TAS2R1: variants seen among roughly 807,000 people sequenced by gnomAD.
TAS2R1 encodes taste receptor type 2 member 1.
For synonymous variants in TAS2R1, 141 were observed against 134.2 expected (o/e 1.05, Z -0.35); for missense variants, 370 against 353.4 (o/e 1.05, Z -0.38).
At chr5:9,751,614 T>C in the TAS2R1 span, among the ~76,000 whole-genome samples, 10 of 152,214 alleles carry the variant, frequency 6.6e-5, no homozygotes, top group Non-Finnish European at 1.2e-4. Context: ...TTGCTTTACA[T>C]TTCATATTTG....
chr5:9,844,681 T>A, the TAS2R1 span, among the ~76,000 whole-genome samples: 6 of 152,168 alleles, frequency 3.9e-5, no homozygotes, highest in African/African-American at 1.2e-4. Context: ...CTCCATTGTA[T>A]CCTAATTAGC....
At chr5:9,879,658 G>C in the TAS2R1 span, among the ~76,000 whole-genome samples, 4 of 152,134 alleles carry the variant, frequency 2.6e-5, no homozygotes, top group Non-Finnish European at 5.9e-5. Flanking sequence ...TTATACACTT[G>C]TTGTGGTTCT....
the TAS2R1 span, among the ~76,000 whole-genome samples, chr5:9,742,284 A>G: frequency 6.6e-6 from 1 of 152,170 alleles, no homozygotes; most frequent in Non-Finnish European, 1.5e-5. Flanking sequence ...GCTCTCATTC[A>G]CCCACTGAGA....
chr5:9,877,961 A>G, the TAS2R1 span, among the ~76,000 whole-genome samples: 4 of 152,202 alleles, frequency 2.6e-5, no homozygotes, highest in Non-Finnish European at 4.4e-5. Context: ...GGAGAAATTG[A>G]TCAAAATCTC....
At chr5:9,877,442 C>A in the TAS2R1 span, among the ~76,000 whole-genome samples, 1 of 152,218 alleles carries the variant, frequency 6.6e-6, no homozygotes, top group Non-Finnish European at 1.5e-5. Context: ...ATTCAATACA[C>A]ATACAAATTA....
chr5:9,673,894 A>C (rs2126504801), intron 1 of TAS2R1, among the ~76,000 whole-genome samples: 1 of 152,290 alleles, frequency 6.6e-6, no homozygotes, highest in South Asian at 2.1e-4. Flanking sequence ...CCCCTAAATG[A>C]GAGCAGGAAG....
At chr5:9,865,314 C>A in the TAS2R1 span, among the ~76,000 whole-genome samples, 1 of 152,132 alleles carries the variant, frequency 6.6e-6, no homozygotes, top group Non-Finnish European at 1.5e-5. Flanking sequence ...GATTTTGTAT[C>A]CCACTATGCC....
the TAS2R1 span, among the ~76,000 whole-genome samples, chr5:9,735,549 A>T: frequency 2.6e-5 from 4 of 151,698 alleles, no homozygotes; most frequent in African/African-American, 9.8e-5. Flanking sequence ...CAGTAATCCT[A>T]GATGGTGCCT....
chr5:9,869,309 C>T, the TAS2R1 span, among the ~76,000 whole-genome samples: 1 of 152,162 alleles, frequency 6.6e-6, no homozygotes, highest in African/African-American at 2.4e-5. Flanking sequence ...TTTAGCATGG[C>T]TGGGGAGGCC....
intron 1 of TAS2R1, among the ~76,000 whole-genome samples, chr5:9,684,381 T>C (rs369839848): frequency 1.1e-4 from 16 of 152,304 alleles, no homozygotes; most frequent in African/African-American, 3.4e-4. Context: ...ATTGTGGTTA[T>C]TAGAGGCTGG....
At chr5:9,791,218 G>A in the TAS2R1 span, among the ~76,000 whole-genome samples, 10 of 152,090 alleles carry the variant, frequency 6.6e-5, no homozygotes, top group South Asian at 4.2e-4. Flanking sequence ...ACACACACAC[G>A]GATCATGGGT....
At position 9,705,358 on chromosome 5, in the gene TAS2R1, A is replaced by AT. The variant is rs1315990026; in HGVS notation, c.-242+6813dup. On this transcript the variant is annotated intron_variant, in intron 1 of 2. Transcript: ENST00000506620. ...CATCTTTAAGTTATATCTTGTGAGC[A>AT]TGCATGTATTGCTTTCCTAATAACT... Among the ~76,000 whole-genome samples, 7 of 152,322 alleles carry AT rather than the reference A, an allele frequency of 4.6e-5. No homozygotes were observed. In the East Asian group the frequency reaches 1.2e-3, roughly 25 times the overall value.
chr5:9,631,338 C>G (rs1033633922), upstream of TAS2R1, among the ~76,000 whole-genome samples: 1 of 152,200 alleles, frequency 6.6e-6, no homozygotes, highest in African/African-American at 2.4e-5. Flanking sequence ...TTCCTGGACT[C>G]AGGTAATCCT....
At chr5:9,794,577 T>C in the TAS2R1 span, among the ~76,000 whole-genome samples, 8 of 152,194 alleles carry the variant, frequency 5.3e-5, no homozygotes, top group Admixed American at 5.2e-4. Context: ...TTTGTCACTT[T>C]AACAGGTTAA....
At chr5:9,650,565 T>C (rs976398543) in intron 2 of TAS2R1, among the ~76,000 whole-genome samples, 3 of 152,162 alleles carry the variant, frequency 2.0e-5, no homozygotes, top group Non-Finnish European at 4.4e-5. Flanking sequence ...GACCTGGTGG[T>C]GTGCACATAT....
chr5:9,715,164 T>A (rs1486679536), upstream of TAS2R1, among the ~76,000 whole-genome samples: 1 of 152,110 alleles, frequency 6.6e-6, no homozygotes, highest in Non-Finnish European at 1.5e-5. Flanking sequence ...GAACAAAGTG[T>A]AAAGGGAGCT....
chr5:9,630,249 A>G lies in TAS2R1; in HGVS notation c.-217T>C, dbSNP rs573778511. ...ATAAGGAGGAGATACTCTAGCATCA[A>G]TTTGCTTCTTATTGATGGCTTTTGC... On this transcript the variant is annotated 5_prime_UTR_variant, in exon 1 of 1. Transcript: ENST00000382492. The G allele has an allele frequency of 1.5e-4, 58 of 376,052 alleles. 2 individuals are homozygous for G. In the South Asian group the frequency reaches 5.5e-3, roughly 35 times the overall value. The allele number at this position is 376,052 out of a possible 1,614,324, so 23.3% of individuals were successfully genotyped here.
the TAS2R1 span, among the ~76,000 whole-genome samples, chr5:9,780,741 C>G: frequency 6.6e-6 from 1 of 152,132 alleles, no homozygotes; most frequent in African/African-American, 2.4e-5. Context: ...GGTTATAGTA[C>G]AGTTATTTAA....
At chr5:9,829,963 GA>G in the TAS2R1 span, among the ~76,000 whole-genome samples, 1 of 152,146 alleles carries the variant, frequency 6.6e-6, no homozygotes, top group African/African-American at 2.4e-5. Context: ...AGGACCCTGA[GA>G]TTTGATCTTA....
Sources: gnomAD v4.1 joint callset for allele counts (sites outside exome capture counted in the v4.1 genomes callset) on GRCh38, gnomAD v4.1.1 for gene constraint, MANE v1.5 for transcripts, NCBI Gene and HGNC (gene_info 2026-07-23, HGNC 2026-07-21) for gene names.